Variants in CAPS2 observed in about 807,000 individuals in gnomAD.
The protein encoded by CAPS2 is calcyphosine 2.
A neutral mutation model predicts 86.5 loss-of-function variants in CAPS2; 98 were observed. That is an observed-to-expected ratio of 1.13 (90% CI 0.96 to 1.34). The LOEUF (loss-of-function observed/expected upper bound fraction) is 1.34. Ranked by LOEUF, CAPS2 falls within the 40% of genes most tolerant of loss-of-function variation. The pLI is 0.00. For synonymous variants in CAPS2, 210 were observed against 225.1 expected (o/e 0.93, Z 0.60); for missense variants, 729 against 686.8 (o/e 1.06, Z -0.69).
chr12:75,287,068 GCA>G (rs1257630977), intron 14 of CAPS2, among the ~76,000 whole-genome samples: 2 of 149,944 alleles, frequency 1.3e-5, no homozygotes, highest in African/African-American at 2.4e-5. Context: ...ACACACGCAA[GCA>G]CACACACACA....
At chr12:75,290,256 A>G (rs889160229) in intron 13 of CAPS2, among the ~76,000 whole-genome samples, 1 of 152,198 alleles carries the variant, frequency 6.6e-6, no homozygotes, top group African/African-American at 2.4e-5. Flanking sequence ...TGTAACTTCT[A>G]TACAAAATAG....
chr12:75,331,136 T>TTATA (rs1228432628), upstream of CAPS2, among the ~76,000 whole-genome samples: 1 of 152,054 alleles, frequency 6.6e-6, no homozygotes, highest in African/African-American at 2.4e-5. Context: ...CAACTCCTCA[T>TTATA]CTATAAAGGG....
upstream of CAPS2, among the ~76,000 whole-genome samples, chr12:75,331,073 C>A (rs2041263636): frequency 6.6e-6 from 1 of 152,146 alleles, no homozygotes; most frequent in South Asian, 2.1e-4. Flanking sequence ...GCATGAGCCA[C>A]CATGCCCGGC....
downstream of CAPS2, chr12:75,276,646 T>A: frequency 3.5e-6 from 3 of 845,484 alleles, no homozygotes; most frequent in Non-Finnish European, 4.3e-6. Flanking sequence ...GTCTTTTTAA[T>A]AAAATGTTTT....
rs574277908 is a variant in CAPS2, at chr12:75,371,333, C to T, written c.-395+19505G>A. 3.5e-5 allele frequency: 6 copies of T among 173,216 alleles called. No individual in the cohort carries two copies. The South Asian group carries it at 3.7e-4, about 11-fold the overall frequency. 10.7% of individuals were successfully genotyped at this position (173,216 alleles called of 1,614,324 possible). On this transcript the variant is annotated intron_variant, in intron 1 of 5. Transcript: ENST00000551829. ...ATGAAGGCTGGAAGATTCAGCAAGT[C>T]GGCTCTTCCATCTTCTCCTGCCTGG... is the stretch of plus-strand genomic sequence containing the variant.
chr12:75,359,040 A>G (rs1220566696), intron 1 of CAPS2, among the ~76,000 whole-genome samples: 1 of 150,372 alleles, frequency 6.7e-6, no homozygotes, highest in Non-Finnish European at 1.5e-5. Flanking sequence ...CACTGTGCTG[A>G]TTGCTACTGT....
At chr12:75,283,485 C>G (rs947017666) in intron 15 of CAPS2, among the ~76,000 whole-genome samples, 1 of 152,040 alleles carries the variant, frequency 6.6e-6, no homozygotes, top group African/African-American at 2.4e-5. Context: ...ATTAGGGTGG[C>G]CCCTTATCCA....
At chr12:75,368,735 C>T (rs1467441938) in intron 1 of CAPS2, among the ~76,000 whole-genome samples, 2 of 151,704 alleles carry the variant, frequency 1.3e-5, no homozygotes, top group Non-Finnish European at 2.9e-5. Context: ...ATAATTTTGC[C>T]TTTAGTATTT....
intron 12 of CAPS2, 61 bp from the exon 13 acceptor site, chr12:75,291,881 A>G (rs904168084): frequency 1.2e-5 from 9 of 752,380 alleles, no homozygotes; most frequent in Admixed American, 2.3e-5. Flanking sequence ...AATCTTGAGT[A>G]TAAAACCTCT....
chr12:75,359,966 C>T (rs1220405789), intron 1 of CAPS2: 1 of 152,066 alleles, frequency 6.6e-6, no homozygotes, highest in Admixed American at 6.6e-5. Context: ...TGGCATAAGG[C>T]AAAGGGGAAA....
intron 1 of CAPS2, among the ~76,000 whole-genome samples, chr12:75,385,161 G>A (rs2045224008): frequency 6.6e-6 from 1 of 152,048 alleles, no homozygotes; most frequent in Admixed American, 6.6e-5. Flanking sequence ...ACCAAACGCA[G>A]CCCCTCAACC....
chr12:75,298,557 C>A (rs2138511079), intron 11 of CAPS2, 130 bp downstream of exon 11: 1 of 650,686 alleles, frequency 1.5e-6, no homozygotes, highest in Non-Finnish European at 2.6e-6. Context: ...TTAGCCCACA[C>A]AAATGACCCT....
At chr12:75,325,933 C>T (rs2040737882) in intron 1 of CAPS2, among the ~76,000 whole-genome samples, 1 of 152,014 alleles carries the variant, frequency 6.6e-6, no homozygotes, top group African/African-American at 2.4e-5. Context: ...TGTTTGTAAA[C>T]ATTCAATCTT....
intron 1 of CAPS2, among the ~76,000 whole-genome samples, chr12:75,345,726 CA>C (rs1434836883): frequency 6.6e-6 from 1 of 152,086 alleles, no homozygotes; most frequent in Non-Finnish European, 1.5e-5. Flanking sequence ...TCCTGACTAA[CA>C]AAAAGATGCA....
chr12:75,316,516 C>T lies in CAPS2; in HGVS notation c.469-82G>A, dbSNP rs1341709138. 22 of 1,214,480 alleles carry T rather than the reference C, an allele frequency of 1.8e-5. No individual in the cohort carries two copies. In the East Asian group the frequency reaches 3.0e-4, roughly 17 times the overall value. The allele number at this position is 1,214,480 out of a possible 1,614,324, so 75.2% of individuals were successfully genotyped here. A position where few individuals can be genotyped will look rare whatever the true frequency, so the allele number is the denominator to read the frequency against. On this transcript the variant is annotated intron_variant, in intron 5 of 16. Transcript: ENST00000393284. ...AACAAAATATGGGAATAGATAACTACGGAATATCTCAGTGACTATTTGTAC... is the reference window on the plus strand; with the variant it reads ...AACAAAATATGGGAATAGATAACTATGGAATATCTCAGTGACTATTTGTAC...
intron 1 of CAPS2, among the ~76,000 whole-genome samples, chr12:75,388,538 A>T (rs1013053865): frequency 1.3e-5 from 2 of 152,212 alleles, no homozygotes; most frequent in African/African-American, 4.8e-5. Context: ...AGCCAATCTG[A>T]AAAGACTACA....
chr12:75,357,447 A>C (rs2043225434), intron 1 of CAPS2, among the ~76,000 whole-genome samples: 1 of 152,170 alleles, frequency 6.6e-6, no homozygotes, highest in Admixed American at 6.6e-5. Flanking sequence ...ATTTGATAAA[A>C]GGAAAAACAA....
upstream of CAPS2, among the ~76,000 whole-genome samples, chr12:75,333,535 A>G (rs904839568): frequency 1.3e-5 from 2 of 152,214 alleles, no homozygotes; most frequent in African/African-American, 2.4e-5. Flanking sequence ...ATATGAAAGT[A>G]GTATATACAG....
chr12:75,316,597 T>A (rs1221738721), intron 5 of CAPS2, among the ~76,000 whole-genome samples, 163 bp from the exon 6 acceptor site: 3 of 152,180 alleles, frequency 2.0e-5, no homozygotes, highest in African/African-American at 7.2e-5. Flanking sequence ...AATCCAGCTC[T>A]TCCACTTGCC....
Sources: allele counts gnomAD v4.1 joint callset (sites outside exome capture counted in the v4.1 genomes callset), GRCh38; gene constraint gnomAD v4.1.1; transcripts MANE v1.5; gene names NCBI Gene and HGNC (gene_info 2026-07-23, HGNC 2026-07-21).